The following SI variants were observed in gnomAD, a reference collection of about 807,000 sequenced individuals.
The protein encoded by SI is sucrase-isomaltase.
SI carries 235 observed loss-of-function variants against 253.3 expected under a neutral mutation model. That is an observed-to-expected ratio of 0.93 (90% CI 0.83 to 1.03). SI has a LOEUF of 1.03. Ranked by LOEUF, SI falls within the 50% of genes least tolerant of loss-of-function variation. SI has a pLI of 0.00. For missense variants in SI, 2,442 were observed against 2,211.1 expected, an observed-to-expected ratio of 1.10 and a Z score of -2.09; for synonymous variants, 819 against 712.0, an observed-to-expected ratio of 1.15 and a Z score of -2.39.
At chr3:165,047,086 A>G in intron 15 of SI, 74 bp from the exon 16 acceptor site, 1 of 1,213,896 alleles carries the variant, frequency 8.2e-7, no homozygotes, top group South Asian at 1.4e-5. Flanking sequence ...CTAAAATTTC[A>G]TAATTCCAAA....
At position 164,979,047 on chromosome 3, in the gene SI, TA is replaced by T. The variant is rs145227457; in HGVS notation, c.*314del. 0.12 allele frequency: 21,345 copies of T among 180,896 alleles called. 1,372 individuals are homozygous for T. The highest frequency in any genetic ancestry group is 0.16 in the South Asian group (1,000 of 6,392). The allele number at this position is 180,896 out of a possible 1,614,324, so 11.2% of individuals were successfully genotyped here. On this transcript the variant is annotated 3_prime_UTR_variant, in exon 48 of 48. Transcript: ENST00000264382. Reference sequence around the variant, plus strand: ...AATTACATAAAAATTTTATTTAATTTAAAAATCACGTTTAAATTATATCTTA... The same window carrying T: ...AATTACATAAAAATTTTATTTAATTTAAAATCACGTTTAAATTATATCTTA...
chr3:164,999,046 A>G (rs1028723440), intron 37 of SI, among the ~76,000 whole-genome samples: 2 of 151,838 alleles, frequency 1.3e-5, no homozygotes, highest in Non-Finnish European at 2.9e-5. Context: ...TCATTGCCCC[A>G]ACGCCTCTCA....
chr3:165,072,981 T>C (rs1457067941), intron 3 of SI, among the ~76,000 whole-genome samples: 2 of 152,162 alleles, frequency 1.3e-5, no homozygotes, highest in East Asian at 3.9e-4. Flanking sequence ...AAGTTTAACT[T>C]GCTTACTTCA....
upstream of SI, among the ~76,000 whole-genome samples, chr3:165,081,571 G>T (rs529061141): frequency 1.3e-5 from 2 of 151,888 alleles, no homozygotes; most frequent in African/African-American, 4.8e-5. Flanking sequence ...TATGTTACTT[G>T]CCACCAGGAT....
rs1712302780 is a variant in SI, at chr3:165,032,530, A to G, written c.2728T>C (p.Ser910Pro). Residue 910 changes from serine to proline, a missense_variant, in exon 24 of 48, where the codon TCT (serine) becomes CCT (proline). Physicochemically the swap from Ser to Pro is moderately conservative, Grantham distance 74. Coordinates refer to ENST00000264382, the MANE Select transcript of SI (RefSeq NM_001041.4). ...TAAAAGATTGTAATTACCTGGTTAG[A>G]AGCATCATAAGTGAAATTGGAATGA... The part of the protein sequence containing the change: ...NAHSNFTYDA[S>P]NQVLLIADLK... The G allele has an allele frequency of 1.2e-6, 2 of 1,601,452 alleles. No individual in the cohort carries two copies. The highest frequency in any genetic ancestry group is 2.7e-5 in the African/African-American group (2 of 74,462).
upstream of SI, among the ~76,000 whole-genome samples, chr3:165,081,936 C>A (rs189335070): frequency 6.6e-6 from 1 of 152,092 alleles, no homozygotes; most frequent in Non-Finnish European, 1.5e-5. Flanking sequence ...TGGAGAGTTA[C>A]GTGAAGAGCT....
At position 165,059,059 on chromosome 3, in the gene SI, T is replaced by C; in HGVS notation, c.1302A>G (p.Arg434=). 2.5e-6 allele frequency: 4 copies of C among 1,612,614 alleles called. No homozygotes were observed. The highest frequency in any genetic ancestry group is 3.4e-6 in the Non-Finnish European group (4 of 1,179,226). ...TTGCATATGTTGTTCCATTGGCACG[T>C]CGACCTATGGAAATTGCAGGGTCCT... ...IILDPAISIG[R]RANGTTYATY... is the part of the protein sequence containing the mutation. The change falls in exon 12 of 48, where the codon CGA becomes CGG. Residue 434 remains arginine, a synonymous_variant. Coordinates refer to ENST00000264382, the MANE Select transcript of SI (RefSeq NM_001041.4).
At chr3:165,085,097 C>A in the SI span, among the ~76,000 whole-genome samples, 1 of 152,178 alleles carries the variant, frequency 6.6e-6, no homozygotes, top group South Asian at 2.1e-4. Context: ...GGTAAAACTT[C>A]ATAGACCTGG....
chr3:165,042,826 A>C (rs1712911856), intron 17 of SI, among the ~76,000 whole-genome samples: 1 of 152,114 alleles, frequency 6.6e-6, no homozygotes. Context: ...GTCTCAACTA[A>C]AATATTTGTG....
chr3:164,994,584 G>A (rs1380405025), intron 40 of SI, among the ~76,000 whole-genome samples, 179 bp from the exon 41 acceptor site: 1 of 151,626 alleles, frequency 6.6e-6, no homozygotes, highest in African/African-American at 2.4e-5. Context: ...AAGAGAAAAG[G>A]TACACAACAT....
At chr3:165,087,126 C>T in the SI span, among the ~76,000 whole-genome samples, 7 of 148,582 alleles carry the variant, frequency 4.7e-5, no homozygotes, top group African/African-American at 1.2e-4. Flanking sequence ...TAGAAACAAA[C>T]GAACAAATAC....
Position 165,006,969 on chromosome 3 carries a change from T to C in SI, c.4268-15A>G, listed in dbSNP as rs1196189635. ...TTTTGTGAGTTCTGGAAAGAATCAA[T>C]GAAAAAATATTAATATATTATACAG... On this transcript the variant is annotated splice_polypyrimidine_tract_variant and intron_variant, in intron 36 of 47. Transcript: ENST00000264382. 15 of 1,560,732 alleles carry C rather than the reference T, an allele frequency of 9.6e-6. No individual in the cohort carries two copies. The highest frequency in any genetic ancestry group is 1.3e-5 in the Non-Finnish European group (15 of 1,138,740).
rs1375047022 is a variant in SI, at chr3:165,007,956, T to C, written c.4222A>G (p.Asn1408Asp). The stretch of plus-strand genomic sequence containing the variant: ...TTTAGTTCGTCATTTCTGCATTGAT[T>C]AGTAGTTGTTCCATTTACAAAACTT... The part of the protein sequence containing the change: ...PSSFVNGTTT[N>D]QCRNDELNYP... Residue 1408 changes from asparagine (N) to aspartate (D), a missense_variant, in exon 36 of 48, where the codon AAT becomes GAT. Coordinates refer to ENST00000264382, the MANE Select transcript of SI (RefSeq NM_001041.4). 6.2e-7 allele frequency: 1 copy of C among 1,603,026 alleles called. No homozygotes were observed. Among genetic ancestry groups the C allele is most frequent in the Non-Finnish European group, 8.5e-7 (1 of 1,170,930 alleles).
chr3:165,048,238 A>G (rs1463956021), intron 15 of SI, among the ~76,000 whole-genome samples: 1 of 151,996 alleles, frequency 6.6e-6, no homozygotes, highest in Non-Finnish European at 1.5e-5. Context: ...TTTACTGACT[A>G]TTGTATCACA....
At chr3:165,071,920 T>C (rs1475220280) in intron 3 of SI, among the ~76,000 whole-genome samples, 5 of 152,166 alleles carry the variant, frequency 3.3e-5, no homozygotes, top group African/African-American at 1.2e-4. Context: ...CGGAATTTTG[T>C]TATGGCAGCC....
the SI span, among the ~76,000 whole-genome samples, chr3:165,085,171 A>G: frequency 6.6e-6 from 1 of 152,156 alleles, no homozygotes; most frequent in Non-Finnish European, 1.5e-5. Flanking sequence ...TAACAATGAT[A>G]GTAACTTATC....
At chr3:164,979,780 A>T (rs1717093531) in intron 47 of SI, among the ~76,000 whole-genome samples, 1 of 151,864 alleles carries the variant, frequency 6.6e-6, no homozygotes, top group Non-Finnish European at 1.5e-5. Context: ...ATCTCAATGC[A>T]TCCCTTTGTC....
intron 37 of SI, among the ~76,000 whole-genome samples, chr3:165,000,775 C>T (rs1718222265): frequency 6.6e-6 from 1 of 151,308 alleles, no homozygotes; most frequent in South Asian, 2.1e-4. Context: ...ATTGTTCAGT[C>T]ACAATTAACT....
Position 165,037,945 on chromosome 3 carries a change from C to T in SI, c.2381G>A (p.Gly794Asp), listed in dbSNP as rs886058146. 2 of 1,611,220 alleles carry T rather than the reference C, an allele frequency of 1.2e-6. No homozygotes were observed. Among genetic ancestry groups the T allele is most frequent in the African/African-American group, 1.3e-5 (1 of 74,798 alleles). Residue 794 changes from glycine to aspartate, a missense_variant, in exon 21 of 48, where the codon GGT (glycine) becomes GAT (aspartate). Transcript: ENST00000264382. ...ADKIGLHLRG[G>D]YIIPIQEPDV... is the part of the protein sequence containing the mutation. Reference sequence around the variant, plus strand: ...TGGTTCTTGAATGGGGATGATATAACCTCCTCTAAGATGTAATCCTATTTT... The same window carrying T: ...TGGTTCTTGAATGGGGATGATATAATCTCCTCTAAGATGTAATCCTATTTT...
Sources: gnomAD v4.1 joint callset for allele counts (sites outside exome capture counted in the v4.1 genomes callset) on GRCh38, gnomAD v4.1.1 for gene constraint, MANE v1.5 for transcripts, NCBI Gene and HGNC (gene_info 2026-07-23, HGNC 2026-07-21) for gene names.